The following KDM4C variants were observed in gnomAD, a reference collection of about 807,000 sequenced individuals.
The protein encoded by KDM4C is lysine-specific demethylase 4C.
Under a neutral mutation model 129.3 loss-of-function variants are expected in KDM4C, and 81 were observed. The ratio of observed to expected loss-of-function variants is 0.63; its 90% confidence interval spans 0.52 to 0.75. The LOEUF is 0.75. Ranked by LOEUF, KDM4C falls within the 30% of genes least tolerant of loss-of-function variation. KDM4C has a pLI of 0.00. For synonymous variants in KDM4C, 573 were observed against 456.1 expected, an observed-to-expected ratio of 1.26 and a Z score of -3.26; for missense variants, 1,457 against 1,304.0, an observed-to-expected ratio of 1.12 and a Z score of -1.81.
chr9:6,997,221 G>A (rs10435746), intron 12 of KDM4C, among the ~76,000 whole-genome samples: 2,027 of 152,304 alleles, frequency 0.013, 22 homozygotes, highest in East Asian at 0.027. Context: ...TTGGTAAGGG[G>A]GAGCCAAGTT....
intron 8 of KDM4C, chr9:6,941,813 C>A (rs1479866953): frequency 6.6e-6 from 1 of 152,216 alleles, no homozygotes; most frequent in African/African-American, 2.4e-5. Context: ...GACCAGCCTG[C>A]AGATGTGAGC....
chr9:7,076,855 G>C, intron 17 of KDM4C: 2 of 1,001,562 alleles, frequency 2.0e-6, no homozygotes, highest in Non-Finnish European at 2.4e-6. Context: ...GCTTTCCAAG[G>C]TGCATCAGGT....
At chr9:7,046,950 T>A (rs1829492184) in intron 16 of KDM4C, 33 bp downstream of exon 16, 1 of 1,432,376 alleles carries the variant, frequency 7.0e-7, no homozygotes, top group African/African-American at 1.4e-5. Context: ...TGAATTTCAT[T>A]ATTTTTCTTT....
intron 10 of KDM4C, among the ~76,000 whole-genome samples, 181 bp from the exon 11 acceptor site, chr9:6,986,163 A>C (rs1413550845): frequency 1.3e-5 from 2 of 152,200 alleles, no homozygotes; most frequent in Non-Finnish European, 2.9e-5. Context: ...TGGGTTGTTC[A>C]GTATCAGAGC....
At chr9:7,131,018 C>G (rs1840577306) in intron 19 of KDM4C, among the ~76,000 whole-genome samples, 1 of 151,912 alleles carries the variant, frequency 6.6e-6, no homozygotes, top group Non-Finnish European at 1.5e-5. Context: ...ATCCTCCCGC[C>G]TCGGCATCCC....
chr9:6,991,984 T>C lies in KDM4C; in HGVS notation c.1786+1460T>C, dbSNP rs538839793. On this transcript the variant is annotated intron_variant, in intron 12 of 21. Coordinates refer to ENST00000381309, the MANE Select transcript of KDM4C (RefSeq NM_015061.6). ...ATAGAAGTAATGAAACATATTTGCA[T>C]TGATTTCCATATATCATAATGTTGA... 1.3e-3 allele frequency among the ~76,000 whole-genome samples: 199 copies of C among 152,244 alleles called. 3 individuals carry two copies. The highest frequency in any genetic ancestry group is 4.6e-3 in the African/African-American group (190 of 41,572).
At chr9:7,043,984 C>G (rs1021699154) in intron 15 of KDM4C, among the ~76,000 whole-genome samples, 2 of 151,822 alleles carry the variant, frequency 1.3e-5, no homozygotes, top group African/African-American at 4.8e-5. Flanking sequence ...TAAGGGTATA[C>G]TCTCTATTGG....
intron 17 of KDM4C, among the ~76,000 whole-genome samples, chr9:7,057,092 A>G (rs1056387515): frequency 2.0e-5 from 3 of 152,258 alleles, no homozygotes; most frequent in African/African-American, 7.2e-5. Context: ...GAAGGGGGTC[A>G]GGAATTAGTT....
chr9:6,834,058 T>TTTTTTTTTTTTTTTA (rs1835403673), intron 4 of KDM4C, among the ~76,000 whole-genome samples: 1 of 149,932 alleles, frequency 6.7e-6, no homozygotes. Flanking sequence ...TTTTTTTTTT[T>TTTTTTTTTTTTTTTA]AAGATAGTCT....
intron 17 of KDM4C, among the ~76,000 whole-genome samples, chr9:7,067,148 G>T (rs1832534741): frequency 6.6e-6 from 1 of 152,066 alleles, no homozygotes; most frequent in South Asian, 2.1e-4. Context: ...AATTTAGCTG[G>T]GCAATCACCA....
chr9:6,887,870 T>G, intron 6 of KDM4C, 90 bp from the exon 7 acceptor site: 1 of 799,904 alleles, frequency 1.3e-6, no homozygotes, highest in Non-Finnish European at 2.2e-6. Flanking sequence ...AGTCAAACAG[T>G]AAGAACACTA....
chr9:6,872,463 G>A (rs1287918698), intron 5 of KDM4C, among the ~76,000 whole-genome samples: 2 of 152,178 alleles, frequency 1.3e-5, no homozygotes, highest in Admixed American at 6.5e-5. Context: ...AATATTAATA[G>A]TGGGGTGTTA....
At chr9:6,748,205 TA>T (rs1046886417) in intron 1 of KDM4C, among the ~76,000 whole-genome samples, 24 of 146,514 alleles carry the variant, frequency 1.6e-4, no homozygotes, top group Middle Eastern at 3.5e-3. Flanking sequence ...CAACAACAAT[TA>T]AAAAAAAACA....
At chr9:7,043,349 C>T (rs964795034) in intron 15 of KDM4C, among the ~76,000 whole-genome samples, 3 of 151,998 alleles carry the variant, frequency 2.0e-5, no homozygotes, top group African/African-American at 7.2e-5. Flanking sequence ...GGTACAATTA[C>T]TGTTTTGTGT....
rs3753004 is a variant in KDM4C, at chr9:7,174,476, A to T, written c.2995-77A>T. The stretch of plus-strand genomic sequence containing the variant: ...GGCATCTGCACCCTAACCCCAGCTG[A>T]CCGAGTCAGATCTTTGTCCAGTGTT... On this transcript the variant is annotated intron_variant, in intron 21 of 21. Coordinates refer to ENST00000381309, the MANE Select transcript of KDM4C (RefSeq NM_015061.6). 2,718 of 1,418,208 alleles carry T rather than the reference A, an allele frequency of 1.9e-3. 67 individuals are homozygous for T. The East Asian group carries it at 0.055, about 29-fold the overall frequency. The allele number at this position is 1,418,208 out of a possible 1,614,324, so 87.9% of individuals were successfully genotyped here. A position where few individuals can be genotyped will look rare whatever the true frequency, so the allele number is the denominator to read the frequency against.
intron 8 of KDM4C, among the ~76,000 whole-genome samples, chr9:6,971,494 A>C (rs1189147235): frequency 6.6e-6 from 1 of 152,208 alleles, no homozygotes; most frequent in Non-Finnish European, 1.5e-5. Context: ...TCTAGATTTT[A>C]TCAGCGGTCT....
chr9:7,060,451 G>A (rs987955529), intron 17 of KDM4C, among the ~76,000 whole-genome samples: 1 of 138,226 alleles, frequency 7.2e-6, no homozygotes, highest in Admixed American at 7.6e-5. Context: ...TAGCAGTATT[G>A]TTGTTATTAT....
chr9:6,895,078 T>G (rs1846650912), intron 8 of KDM4C, among the ~76,000 whole-genome samples: 1 of 152,218 alleles, frequency 6.6e-6, no homozygotes, highest in Non-Finnish European at 1.5e-5. Context: ...GTATTTGAGA[T>G]TTTTTCAGTG....
At chr9:7,150,425 A>G (rs1195873543) in intron 19 of KDM4C, among the ~76,000 whole-genome samples, 5 of 152,186 alleles carry the variant, frequency 3.3e-5, no homozygotes, top group Non-Finnish European at 7.3e-5. Flanking sequence ...TCTTTGCCTA[A>G]CTACCTACAG....
Sources: gnomAD v4.1 joint callset for allele counts (sites outside exome capture counted in the v4.1 genomes callset) on GRCh38, gnomAD v4.1.1 for gene constraint, MANE v1.5 for transcripts, NCBI Gene and HGNC (gene_info 2026-07-23, HGNC 2026-07-21) for gene names.